IL1RAPL1: variants seen among roughly 807,000 people sequenced by gnomAD.
IL1RAPL1 encodes interleukin-1 receptor accessory protein-like 1.
A neutral mutation model predicts 48.4 loss-of-function variants in IL1RAPL1; 3 were observed. That is an observed-to-expected ratio of 0.06 (90% CI 0.03 to 0.16). The LOEUF (loss-of-function observed/expected upper bound fraction) is 0.16, where lower values mean the gene tolerates loss of function less well. IL1RAPL1 is among the 10% of genes least tolerant of loss of function. The pLI is 1.00. For missense variants in IL1RAPL1, 349 were observed against 530.6 expected (o/e 0.66, Z 3.36); for synonymous variants, 185 against 187.7 (o/e 0.99, Z 0.12).
At chrX:29,584,829 C>T (rs1361530613) in intron 5 of IL1RAPL1, among the ~76,000 whole-genome samples, 1 of 112,248 alleles carries the variant, frequency 8.9e-6, no homozygotes, top group Non-Finnish European at 1.9e-5. Context: ...GTTGGGATTA[C>T]AGGCATGAGC....
chrX:29,676,582 T>C (rs1469750941), intron 6 of IL1RAPL1, among the ~76,000 whole-genome samples: 1 of 111,843 alleles, frequency 8.9e-6, no homozygotes, highest in Non-Finnish European at 1.9e-5. Flanking sequence ...AGTAAGTACA[T>C]AGTTATAACA....
intron 6 of IL1RAPL1, among the ~76,000 whole-genome samples, chrX:29,780,366 T>TTTAA (rs1190905108): frequency 8.9e-6 from 1 of 112,182 alleles, no homozygotes; most frequent in East Asian, 2.8e-4. Flanking sequence ...GGTCTCAAGA[T>TTTAA]TTAATTAGAT....
chrX:29,599,424 G>C (rs188622861), intron 5 of IL1RAPL1, among the ~76,000 whole-genome samples: 1 of 112,000 alleles, frequency 8.9e-6, no homozygotes, highest in Non-Finnish European at 1.9e-5. Context: ...TAGGTTACCT[G>C]ATGCTTTTGC....
intron 2 of IL1RAPL1, among the ~76,000 whole-genome samples, chrX:29,267,226 T>C (rs1226298268): frequency 1.8e-5 from 2 of 112,139 alleles, no homozygotes; most frequent in Non-Finnish European, 3.8e-5. Context: ...ATCCCTTGCA[T>C]GTCCCCATGA....
At chrX:28,856,291 A>C (rs1464446148) in intron 2 of IL1RAPL1, among the ~76,000 whole-genome samples, 1 of 111,669 alleles carries the variant, frequency 9.0e-6, no homozygotes, top group Non-Finnish European at 1.9e-5. Context: ...ATGTTTACTC[A>C]AGGATAAGTC....
chrX:29,340,244 C>T (rs982520229), intron 3 of IL1RAPL1, among the ~76,000 whole-genome samples: 2 of 111,273 alleles, frequency 1.8e-5, no homozygotes, highest in Non-Finnish European at 3.8e-5. Context: ...ACATTCACAG[C>T]GCTGGGCAAC....
chrX:29,411,908 C>T (rs1049104404), intron 5 of IL1RAPL1, among the ~76,000 whole-genome samples: 3 of 111,166 alleles, frequency 2.7e-5, no homozygotes, highest in Non-Finnish European at 5.6e-5. Context: ...TTCAAATTCT[C>T]TTATATTAAT....
chrX:29,621,855 A>G (rs1924471248), intron 5 of IL1RAPL1, among the ~76,000 whole-genome samples: 1 of 111,972 alleles, frequency 8.9e-6, no homozygotes, highest in Admixed American at 9.5e-5. Context: ...GATCTATCAA[A>G]TACTAGGTCT....
At chrX:29,588,553 G>C (rs181989571) in intron 5 of IL1RAPL1, among the ~76,000 whole-genome samples, 1 of 112,284 alleles carries the variant, frequency 8.9e-6, no homozygotes, top group Admixed American at 9.4e-5. Flanking sequence ...ATGGTTAAAA[G>C]AGGAAATATA....
At chrX:28,688,681 A>G (rs2146924060) in intron 1 of IL1RAPL1, among the ~76,000 whole-genome samples, 1 of 111,854 alleles carries the variant, frequency 8.9e-6, no homozygotes, top group African/African-American at 3.2e-5. Flanking sequence ...CAATACTTTA[A>G]TCCACATTTT....
intron 2 of IL1RAPL1, among the ~76,000 whole-genome samples, chrX:29,170,719 C>T (rs1929891251): frequency 9.0e-6 from 1 of 111,299 alleles, no homozygotes; most frequent in African/African-American, 3.3e-5. Context: ...TCCAACCCCT[C>T]GATAAAATTT....
rs1407770963 is a variant in IL1RAPL1, at chrX:28,650,147, A to G, written c.-25+62100A>G. Among the ~76,000 whole-genome samples, 6 of 111,984 alleles carry G rather than the reference A, an allele frequency of 5.4e-5. No homozygotes were observed. The Admixed American group carries it at 5.7e-4, about 11-fold the overall frequency. On this transcript the variant is annotated intron_variant, in intron 1 of 10. Coordinates refer to ENST00000378993, the MANE Select transcript of IL1RAPL1 (RefSeq NM_014271.4). ...AAATGACCAATGCTTTCAAACAATT[A>G]TTTCATATTCGTATGCCTCAGATTC...
chrX:29,782,661 G>A (rs1450843593), intron 6 of IL1RAPL1, among the ~76,000 whole-genome samples: 1 of 111,093 alleles, frequency 9.0e-6, no homozygotes, highest in Non-Finnish European at 1.9e-5. Flanking sequence ...GTCTGGGAAG[G>A]TCCCATAGAA....
chrX:29,113,509 T>C (rs1017369522), intron 2 of IL1RAPL1, among the ~76,000 whole-genome samples: 4 of 112,055 alleles, frequency 3.6e-5, no homozygotes, highest in African/African-American at 9.7e-5. Flanking sequence ...ATAATGAGGC[T>C]ACTTACCCAT....
chrX:29,338,058 C>T (rs1933021786), intron 3 of IL1RAPL1, among the ~76,000 whole-genome samples: 1 of 111,724 alleles, frequency 9.0e-6, no homozygotes, highest in Admixed American at 9.6e-5. Context: ...CTGGACTGAG[C>T]ATCTTAAGGA....
chrX:29,919,649 A>C (rs1433877431), intron 7 of IL1RAPL1, among the ~76,000 whole-genome samples: 2 of 112,474 alleles, frequency 1.8e-5, no homozygotes, highest in African/African-American at 6.5e-5. Flanking sequence ...TCTTAAAGGG[A>C]AAGCAATTTG....
intron 5 of IL1RAPL1, among the ~76,000 whole-genome samples, chrX:29,581,843 C>G (rs890079930): frequency 5.4e-5 from 6 of 111,506 alleles, no homozygotes; most frequent in African/African-American, 2.0e-4. Flanking sequence ...TGATTGAGCA[C>G]AGCCAAGTTT....
At position 28,877,954 on chromosome X, in the gene IL1RAPL1, A is replaced by G. The variant is rs1382905250; in HGVS notation, c.82+88529A>G. Among the ~76,000 whole-genome samples, 14 of 112,458 alleles carry G rather than the reference A, an allele frequency of 1.2e-4. No individual in the cohort carries two copies. In the Admixed American group the frequency reaches 1.3e-3, roughly 11 times the overall value. Reference sequence around the variant, plus strand: ...TTCATCTCTCTGTTTGCTTTAAAATATACTTTAATTTATGTAAATGAGCAT... The same window carrying G: ...TTCATCTCTCTGTTTGCTTTAAAATGTACTTTAATTTATGTAAATGAGCAT... On this transcript the variant is annotated intron_variant, in intron 2 of 10. Coordinates refer to ENST00000378993, the MANE Select transcript of IL1RAPL1 (RefSeq NM_014271.4).
intron 2 of IL1RAPL1, among the ~76,000 whole-genome samples, chrX:29,202,443 T>C (rs974640173): frequency 8.9e-6 from 1 of 112,230 alleles, no homozygotes; most frequent in African/African-American, 3.2e-5. Flanking sequence ...TTCTGGAAAG[T>C]AGTTTGGCTG....
Sources: allele counts gnomAD v4.1 joint callset (sites outside exome capture counted in the v4.1 genomes callset), GRCh38; gene constraint gnomAD v4.1.1; transcripts MANE v1.5; gene names NCBI Gene and HGNC (gene_info 2026-07-23, HGNC 2026-07-21).